CSMD1: variants seen among roughly 807,000 people sequenced by gnomAD.
CSMD1 encodes the protein CUB and Sushi multiple domains 1.
CSMD1 carries 213 observed loss-of-function variants against 417.5 expected under a neutral mutation model. That is an observed-to-expected ratio of 0.51 (90% CI 0.46 to 0.57). CSMD1 has a LOEUF of 0.57. Among genes scored for constraint, CSMD1 ranks in the 20% least tolerant of loss-of-function variants. The pLI is 0.00. For synonymous variants in CSMD1, 2,862 were observed against 1,736.8 expected, an observed-to-expected ratio of 1.65 and a Z score of -16.11; for missense variants, 6,923 against 4,529.7, an observed-to-expected ratio of 1.53 and a Z score of -15.17.
intron 10 of CSMD1, among the ~76,000 whole-genome samples, chr8:3,506,434 A>T (rs1796831256): frequency 6.6e-6 from 1 of 152,176 alleles, no homozygotes; most frequent in Non-Finnish European, 1.5e-5. Flanking sequence ...CCGAATGGGT[A>T]AGTACTCACA....
chr8:4,816,198 T>A (rs1220656738), intron 1 of CSMD1, among the ~76,000 whole-genome samples: 1 of 151,834 alleles, frequency 6.6e-6, no homozygotes, highest in African/African-American at 2.4e-5. Context: ...ATTTGCTTTT[T>A]TTTTGGGACA....
At chr8:3,981,052 T>G (rs1417112234) in intron 5 of CSMD1, among the ~76,000 whole-genome samples, 1 of 152,016 alleles carries the variant, frequency 6.6e-6, no homozygotes, top group Non-Finnish European at 1.5e-5. Context: ...TTTCCCACAG[T>G]CAAAAACGCC....
At chr8:3,824,085 A>T (rs1193441995) in intron 5 of CSMD1, among the ~76,000 whole-genome samples, 1 of 152,192 alleles carries the variant, frequency 6.6e-6, no homozygotes, top group South Asian at 2.1e-4. Flanking sequence ...GAAAACAAAA[A>T]TGTCACAGTG....
rs58861821 is a variant in CSMD1, at chr8:3,488,414, A to T, written c.1448+5209T>A. Among the ~76,000 whole-genome samples the T allele has an allele frequency of 6.7e-3, 1,024 of 152,244 alleles. 33 individuals carry two copies. The East Asian group carries it at 0.068, about 10-fold the overall frequency. ...TATACCAGCATGCCTGGCCAATAAC[A>T]TGTCTTTTGACCTTTTACATTCAAG... is the stretch of plus-strand genomic sequence containing the variant. On this transcript the variant is annotated intron_variant, in intron 11 of 69. Coordinates refer to ENST00000635120, the MANE Select transcript of CSMD1 (RefSeq NM_033225.6).
intron 7 of CSMD1, among the ~76,000 whole-genome samples, chr8:3,706,417 T>C (rs1347525673): frequency 6.6e-6 from 1 of 152,202 alleles, no homozygotes; most frequent in Non-Finnish European, 1.5e-5. Flanking sequence ...ACATTACCAT[T>C]GATTACCTTC....
At chr8:3,837,826 T>C (rs563474750) in intron 5 of CSMD1, among the ~76,000 whole-genome samples, 3 of 152,260 alleles carry the variant, frequency 2.0e-5, no homozygotes, top group African/African-American at 4.8e-5. Context: ...TCCCTCTCTA[T>C]AGTCGCAGGA....
At chr8:4,746,222 C>T (rs552385456) in intron 1 of CSMD1, among the ~76,000 whole-genome samples, 11 of 152,118 alleles carry the variant, frequency 7.2e-5, no homozygotes, top group East Asian at 1.9e-4. Flanking sequence ...ATGGAATCAC[C>T]GAAAACGTAT....
At chr8:3,120,098 T>G (rs1008441358) in intron 41 of CSMD1, among the ~76,000 whole-genome samples, 4 of 152,148 alleles carry the variant, frequency 2.6e-5, no homozygotes, top group Non-Finnish European at 5.9e-5. Context: ...CAGTATATTA[T>G]TATGACAGGT....
At position 4,210,503 on chromosome 8, in the gene CSMD1, CTCTTA is replaced by C. The variant is rs984430699; in HGVS notation, c.416-178409_416-178405del. On this transcript the variant is annotated intron_variant, in intron 3 of 69. Coordinates refer to ENST00000635120, the MANE Select transcript of CSMD1 (RefSeq NM_033225.6). Reference sequence around the variant, plus strand: ...GACAATAATTCAGGAAAATTTTCTTCTCTTATATCTTAGTGTGAAATTGGTTCATC... The same window carrying C: ...GACAATAATTCAGGAAAATTTTCTTCTATCTTAGTGTGAAATTGGTTCATC... Among the ~76,000 whole-genome samples, 37 of 152,122 alleles carry C rather than the reference CTCTTA, an allele frequency of 2.4e-4. 3 individuals carry two copies. Among genetic ancestry groups the C allele is most frequent in the Admixed American group, 1.9e-3 (29 of 15,272 alleles).
chr8:4,762,585 C>T lies in CSMD1; in HGVS notation c.86-125027G>A, dbSNP rs551463601. On this transcript the variant is annotated intron_variant, in intron 1 of 69. Coordinates refer to ENST00000635120, the MANE Select transcript of CSMD1 (RefSeq NM_033225.6). ...CATAGTCCCATCAACACAGGAAGAA[C>T]CAGTGCATCCCTCTGAGCCTGAGTG... Among the ~76,000 whole-genome samples the T allele has an allele frequency of 5.4e-4, 82 of 152,034 alleles. 1 individual carries two copies. Among genetic ancestry groups the T allele is most frequent in the Admixed American group, 8.5e-4 (13 of 15,260 alleles).
At chr8:3,779,429 A>G (rs1270900204) in intron 5 of CSMD1, among the ~76,000 whole-genome samples, 1 of 152,184 alleles carries the variant, frequency 6.6e-6, no homozygotes, top group Non-Finnish European at 1.5e-5. Flanking sequence ...GCATCAAGAA[A>G]GATCGTTTAA....
intron 11 of CSMD1, among the ~76,000 whole-genome samples, chr8:3,477,837 C>A (rs140092419): frequency 1.3e-5 from 2 of 152,120 alleles, no homozygotes; most frequent in East Asian, 3.9e-4. Context: ...GTTCCCAGGA[C>A]ATGGTAGTTA....
At chr8:4,367,295 G>C (rs1584965144) in intron 3 of CSMD1, among the ~76,000 whole-genome samples, 1 of 152,224 alleles carries the variant, frequency 6.6e-6, no homozygotes, top group East Asian at 1.9e-4. Context: ...AGTTTTCCCA[G>C]CTCCATTTTT....
intron 10 of CSMD1, among the ~76,000 whole-genome samples, chr8:3,520,796 G>C (rs1019589358): frequency 9.2e-5 from 14 of 151,978 alleles, no homozygotes; most frequent in African/African-American, 3.1e-4. Context: ...CACCACATCT[G>C]TAGAGGAAAT....
intron 3 of CSMD1, among the ~76,000 whole-genome samples, chr8:4,314,054 T>C (rs936926352): frequency 1.3e-5 from 2 of 151,406 alleles, no homozygotes; most frequent in South Asian, 4.2e-4. Flanking sequence ...ATAATAATAA[T>C]TCCAGTTAAA....
chr8:3,282,063 G>T (rs540403212), intron 26 of CSMD1, among the ~76,000 whole-genome samples: 2 of 152,094 alleles, frequency 1.3e-5, no homozygotes, highest in South Asian at 4.2e-4. Flanking sequence ...CATGCCTTCT[G>T]TACAGCCTGC....
chr8:4,244,331 G>A (rs1256168638), intron 3 of CSMD1, among the ~76,000 whole-genome samples: 1 of 152,106 alleles, frequency 6.6e-6, no homozygotes, highest in African/African-American at 2.4e-5. Flanking sequence ...AACTTTGCCT[G>A]GAGCTCCAAG....
chr8:4,404,851 C>G (rs1250240095), intron 3 of CSMD1, among the ~76,000 whole-genome samples: 1 of 152,188 alleles, frequency 6.6e-6, no homozygotes, highest in Non-Finnish European at 1.5e-5. Context: ...GGCCCTTACA[C>G]TCTACCAGCC....
chr8:4,590,368 G>A (rs532215112), intron 2 of CSMD1, among the ~76,000 whole-genome samples: 1 of 152,172 alleles, frequency 6.6e-6, no homozygotes, highest in South Asian at 2.1e-4. Context: ...AAACATACAT[G>A]CTCAATCAAC....
Sources: gnomAD v4.1 joint callset for allele counts (sites outside exome capture counted in the v4.1 genomes callset) on GRCh38, gnomAD v4.1.1 for gene constraint, MANE v1.5 for transcripts, NCBI Gene and HGNC (gene_info 2026-07-23, HGNC 2026-07-21) for gene names.